The following MORC2 variants were observed in gnomAD, a reference collection of about 807,000 sequenced individuals.
MORC2 encodes ATPase MORC2.
A neutral mutation model predicts 136.0 loss-of-function variants in MORC2; 30 were observed. That is an observed-to-expected ratio of 0.22 (90% confidence interval 0.17 to 0.30). The LOEUF is 0.30. Ranked by LOEUF, MORC2 falls within the 10% of genes least tolerant of loss-of-function variation. The pLI is 1.00. For synonymous variants in MORC2, 439 were observed against 487.0 expected (o/e 0.90, Z 1.30); for missense variants, 922 against 1,333.1 (o/e 0.69, Z 4.80).
chr22:30,935,610 G>A (rs1002199383), intron 17 of MORC2, among the ~76,000 whole-genome samples: 1 of 152,144 alleles, frequency 6.6e-6, no homozygotes, highest in African/African-American at 2.4e-5. Context: ...GGGCCCGAAG[G>A]ATAGGGAAAA....
intron 1 of MORC2, chr22:30,963,430 G>T: frequency 1.9e-6 from 1 of 532,274 alleles, no homozygotes; most frequent in Non-Finnish European, 2.4e-6. Flanking sequence ...CTGTTGCCCC[G>T]GCTGGAGTGC....
Position 30,941,880 on chromosome 22 carries a change from G to C in MORC2, c.698+11C>G, listed in dbSNP as rs745412574. ...GTTCCAGGGCCTCCCTCCCTTCCCA[G>C]CCACACTCACGTGCCCTCTGGGGAC... On this transcript the variant is annotated intron_variant, in intron 8 of 25. Coordinates refer to ENST00000397641, the MANE Select transcript of MORC2 (RefSeq NM_001303256.3). This position sits in a 1 kb window ranked among gnomAD's most constrained non-coding sequence, Gnocchi z 4.6. 2 of 1,594,572 alleles carry C rather than the reference G, an allele frequency of 1.3e-6. No homozygotes were observed. Among genetic ancestry groups the C allele is most frequent in the East Asian group, 2.2e-5 (1 of 44,782 alleles).
chr22:30,963,674 A>G (rs994105707), intron 1 of MORC2, among the ~76,000 whole-genome samples: 1 of 152,066 alleles, frequency 6.6e-6, no homozygotes, highest in African/African-American at 2.4e-5. Context: ...GCATGAGCCA[A>G]CCGCGCCTGG....
chr22:30,950,337 G>GCGGGGGCCCCC, intron 4 of MORC2, 40 bp downstream of exon 4: 4 of 761,706 alleles, frequency 5.3e-6, no homozygotes, highest in Non-Finnish European at 7.0e-6. Context: ...TGGTTACATC[G>GCGGGGGCCCCC]CACCCCCCCA....
At chr22:30,967,504 C>A (rs1026795127) in intron 1 of MORC2, 6 of 1,101,982 alleles carry the variant, frequency 5.4e-6, no homozygotes, top group African/African-American at 1.7e-5. Flanking sequence ...CAACATTTGG[C>A]GATCCAATAG....
Position 30,942,162 on chromosome 22 carries a change from C to G in MORC2, c.536G>C (p.Arg179Pro), listed in dbSNP as rs541114863. The change falls in exon 7 of 26, where the codon CGC becomes CCC. Residue 179 changes from arginine (R) to proline (P), a missense_variant. This residue lies in a region of MORC2 where 261 missense variants were observed against 354.3 expected (regional missense o/e 0.74). Coordinates refer to ENST00000397641, the MANE Select transcript of MORC2 (RefSeq NM_001303256.3). The stretch of plus-strand genomic sequence containing the variant: ...CTGGGTCATCACTTCCTCCTCAGTG[C>G]GGAATGGAGAGTACTTATAGATGAG... ...TELIYKYSPF[R>P]TEEEVMTQFM... 1 of 1,614,126 alleles carries G rather than the reference C, an allele frequency of 6.2e-7. No individual in the cohort carries two copies. The highest frequency in any genetic ancestry group is 2.2e-5 in the East Asian group (1 of 44,884).
intron 1 of MORC2, among the ~76,000 whole-genome samples, chr22:30,964,686 A>G (rs1239735451): frequency 3.3e-5 from 5 of 152,222 alleles, no homozygotes; most frequent in Admixed American, 1.3e-4. Context: ...GAAGACTTTC[A>G]GGTTATCACG....
At chr22:30,928,426 C>T (rs1372965433) in intron 24 of MORC2, among the ~76,000 whole-genome samples, 1 of 152,182 alleles carries the variant, frequency 6.6e-6, no homozygotes, top group African/African-American at 2.4e-5. Flanking sequence ...AATTAGCACA[C>T]AGGTGAAGCA....
Position 30,925,422 on chromosome 22 carries a change from G to A in MORC2, c.*1381C>T, listed in dbSNP as rs1163648677. On this transcript the variant is annotated 3_prime_UTR_variant, in exon 26 of 26. Coordinates refer to ENST00000397641, the MANE Select transcript of MORC2 (RefSeq NM_001303256.3). Reference sequence around the variant, plus strand: ...AGGCCTCTCCTAGAGATGTAGTCTGGGAAGGTCCAAAACCCACCAGACAGG... The same window carrying A: ...AGGCCTCTCCTAGAGATGTAGTCTGAGAAGGTCCAAAACCCACCAGACAGG... 1 of 169,012 alleles carries A rather than the reference G, an allele frequency of 5.9e-6. No homozygotes were observed. The highest frequency in any genetic ancestry group is 1.3e-5 in the Non-Finnish European group (1 of 77,758). 10.5% of individuals were successfully genotyped at this position (169,012 alleles called of 1,614,324 possible). A position where few individuals can be genotyped will look rare whatever the true frequency, so the allele number is the denominator to read the frequency against.
At chr22:30,967,468 G>T (rs1001468057) in intron 1 of MORC2, 2 of 1,037,926 alleles carry the variant, frequency 1.9e-6, no homozygotes, top group African/African-American at 3.4e-5. Flanking sequence ...CACTACAGAG[G>T]GGAAACGGTT....
At position 30,937,845 on chromosome 22, in the gene MORC2, G is replaced by A. The variant is rs769292736; in HGVS notation, c.1339C>T (p.Leu447=). 2 of 1,614,150 alleles carry A rather than the reference G, an allele frequency of 1.2e-6. No individual in the cohort carries two copies. Among genetic ancestry groups the A allele is most frequent in the Non-Finnish European group, 1.7e-6 (2 of 1,180,030 alleles). ...GCAATATCCTTCCAATACTGCGCCA[G>A]GTGCTCCCCCATTGCTCGGAGCAGG... ...RHLLRAMGEH[L]AQYWKDIAIA... is the part of the protein sequence containing the mutation. Residue 447 remains leucine (L), a synonymous_variant, in exon 14 of 26, where the codon CTG becomes TTG. Coordinates refer to ENST00000397641, the MANE Select transcript of MORC2 (RefSeq NM_001303256.3). This position sits in a 1 kb window ranked among gnomAD's most constrained non-coding sequence, Gnocchi z 4.7.
rs2040626806 is a variant in MORC2, at chr22:30,934,767, G to T, written c.2193+14C>A. Reference sequence around the variant, plus strand: ...GACACTGGGCTGGGGTATTAAAGAGGACAAGCGTCTCACCGGGGAGAGTTT... The same window carrying T: ...GACACTGGGCTGGGGTATTAAAGAGTACAAGCGTCTCACCGGGGAGAGTTT... On this transcript the variant is annotated intron_variant, in intron 19 of 25. Transcript: ENST00000397641. This position sits in a 1 kb window ranked among gnomAD's most constrained non-coding sequence, Gnocchi z 4.4. 1.9e-6 allele frequency: 3 copies of T among 1,613,136 alleles called. No homozygotes were observed. The highest frequency in any genetic ancestry group is 2.5e-6 in the Non-Finnish European group (3 of 1,179,438).
In MORC2 at chr22:30,963,040, C is replaced by T. The variant is rs919107031; in HGVS notation, c.69-4346G>A. ...CCAGGCTGGAGTGCAGTGGTGCGAT[C>T]GGCTCACTGCAAGCTCCGCCTCCCG... On this transcript the variant is annotated intron_variant, in intron 1 of 25. Coordinates refer to ENST00000397641, the MANE Select transcript of MORC2 (RefSeq NM_001303256.3). Among the ~76,000 whole-genome samples, 6 of 151,794 alleles carry T rather than the reference C, an allele frequency of 4.0e-5. No individual in the cohort carries two copies. In the East Asian group the frequency reaches 9.7e-4, roughly 24 times the overall value.
intron 1 of MORC2, among the ~76,000 whole-genome samples, chr22:30,964,631 A>C (rs1156499545): frequency 4.6e-5 from 7 of 152,218 alleles, no homozygotes; most frequent in Admixed American, 4.6e-4. Flanking sequence ...TAAAAACCCT[A>C]ACATTTATCA....
At chr22:30,933,574 T>C in intron 20 of MORC2, 54 bp from the exon 21 acceptor site, 3 of 1,592,328 alleles carry the variant, frequency 1.9e-6, no homozygotes, top group Non-Finnish European at 2.6e-6. Flanking sequence ...AAGAGCAGAC[T>C]TGTGCCTTAC....
At chr22:30,936,889 G>A in intron 16 of MORC2, 43 bp downstream of exon 16, 1 of 1,558,316 alleles carries the variant, frequency 6.4e-7, no homozygotes, top group Non-Finnish European at 8.8e-7. Flanking sequence ...GAGGGGCAGG[G>A]GAGAAAAGTA....
chr22:30,957,009 T>C (rs543230879), intron 2 of MORC2, among the ~76,000 whole-genome samples: 44 of 152,362 alleles, frequency 2.9e-4, no homozygotes, highest in African/African-American at 1.0e-3. Context: ...CCCCAAATTA[T>C]TGAAGATGAT....
At chr22:30,962,462 G>A (rs957797377) in intron 1 of MORC2, among the ~76,000 whole-genome samples, 1 of 151,866 alleles carries the variant, frequency 6.6e-6, no homozygotes, top group Non-Finnish European at 1.5e-5. Context: ...AGGTGTGGTG[G>A]TGTACACCTG....
intron 3 of MORC2, among the ~76,000 whole-genome samples, chr22:30,955,023 A>T (rs2040946345): frequency 7.3e-6 from 1 of 137,126 alleles, no homozygotes. Flanking sequence ...CAATGGTGCG[A>T]TCTTGGCTCA....
Sources: gnomAD v4.1 joint callset for allele counts (sites outside exome capture counted in the v4.1 genomes callset) on GRCh38, gnomAD v4.1.1 for gene constraint, gnomAD v4.1.1 regional missense constraint, Gnocchi (gnomAD v3.1) non-coding constraint, MANE v1.5 for transcripts, NCBI Gene and HGNC (gene_info 2026-07-23, HGNC 2026-07-21) for gene names.